TNS4: variants seen among roughly 807,000 people sequenced by gnomAD.
The protein encoded by TNS4 is tensin 4, also known as tensin-4.
Under a neutral mutation model 70.4 loss-of-function variants are expected in TNS4, and 46 were observed. That is an observed-to-expected ratio of 0.65 (90% confidence interval 0.52 to 0.84). The LOEUF is 0.84. Ranked by LOEUF, TNS4 falls within the 40% of genes least tolerant of loss-of-function variation. The probability of loss-of-function intolerance (pLI) is 0.00; values close to 1 mark genes in which losing one functional copy is unlikely to be tolerated. For synonymous variants in TNS4, 390 were observed against 366.6 expected (o/e 1.06, Z -0.73); for missense variants, 863 against 907.0 (o/e 0.95, Z 0.62).
rs141133643 is a variant in TNS4 at position 40,484,500 on chromosome 17, A to G, written c.1485T>C (p.Ser495=). The G allele has an allele frequency of 5.4e-4, 872 of 1,611,460 alleles. 5 individuals carry two copies. In the Middle Eastern group the frequency reaches 7.1e-3, roughly 13 times the overall value. Residue 495 remains serine, a synonymous_variant, in exon 6 of 13, where the codon TCT becomes TCC. Coordinates refer to ENST00000254051, the MANE Select transcript of TNS4 (RefSeq NM_032865.6). ...GACGCATACCTGGTCGACTCTGAGC[A>G]GACGCGGGAACCTCCTGCACCTTCA... is the stretch of plus-strand genomic sequence containing the variant. The part of the protein sequence containing the change: ...LALKVQEVPA[S]AQSRPGEDSN...
chr17:40,492,856 C>T (rs1427689249), intron 2 of TNS4, among the ~76,000 whole-genome samples: 2 of 151,930 alleles, frequency 1.3e-5, no homozygotes, highest in African/African-American at 2.4e-5. Context: ...ACCAGCCTGG[C>T]CAACATGGTG....
intron 2 of TNS4, among the ~76,000 whole-genome samples, chr17:40,492,430 G>A (rs1490043273): frequency 2.6e-5 from 4 of 151,600 alleles, no homozygotes; most frequent in East Asian, 1.9e-4. Context: ...TTACAGTGGC[G>A]GGATCTTGGC....
chr17:40,484,843 A>C, intron 5 of TNS4, 78 bp downstream of exon 5: 1 of 1,547,076 alleles, frequency 6.5e-7, no homozygotes, highest in Non-Finnish European at 8.9e-7. Context: ...GCCATTCCTT[A>C]ACTGTAACCC....
Position 40,477,495 on chromosome 17 carries a change from A to G in TNS4, c.*93T>C. On this transcript the variant is annotated 3_prime_UTR_variant, in exon 13 of 13. Transcript: ENST00000254051. ...CCTAGTCCCATAGATTGGTCTGTCA[A>G]TATGGCCACAAGCCACACCCATTCA... 1 of 1,541,918 alleles carries G rather than the reference A, an allele frequency of 6.5e-7. No individual in the cohort carries two copies.
Position 40,487,236 on chromosome 17 carries a change from G to A in TNS4, c.1088C>T (p.Pro363Leu), listed in dbSNP as rs1300002968. 1 of 1,614,186 alleles carries A rather than the reference G, an allele frequency of 6.2e-7. No homozygotes were observed. ...LAKEHASSCP[P>L]SITNSMVDIP... ...GTCCACCATGGAGTTGGTGATGGAT[G>A]GGGGGCAGCTGCTGGCATGTTCTTT... is the stretch of plus-strand genomic sequence containing the variant. The change falls in exon 4 of 13, where the codon CCA (proline) becomes CTA (leucine). Residue 363 changes from proline (P) to leucine (L), a missense_variant. By Grantham distance (98) the Pro-to-Leu change is moderately conservative. Coordinates refer to ENST00000254051, the MANE Select transcript of TNS4 (RefSeq NM_032865.6).
chr17:40,499,356 C>T (rs1159501298), intron 1 of TNS4, among the ~76,000 whole-genome samples: 2 of 152,174 alleles, frequency 1.3e-5, no homozygotes, highest in Non-Finnish European at 2.9e-5. Context: ...TCGGGGAGCT[C>T]GGCTCTTGAG....
chr17:40,490,250 A>T (rs1050208264), intron 2 of TNS4, among the ~76,000 whole-genome samples: 9 of 152,076 alleles, frequency 5.9e-5, no homozygotes, highest in Non-Finnish European at 8.8e-5. Context: ...GGCATCCAGG[A>T]CTCTTGGGAT....
In TNS4 at chr17:40,488,791, G is replaced by C; in HGVS notation, c.618C>G (p.Asn206Lys). The C allele has an allele frequency of 6.2e-7, 1 of 1,612,940 alleles. No homozygotes were observed. The highest frequency in any genetic ancestry group is 8.5e-7 in the Non-Finnish European group (1 of 1,179,670). ...GAGGGCGCTGGTGCCCCCTGCCCTG[G>C]TTCCCAGAGAAGATGAGGCTCTCAC... ...SSSESLIFSG[N>K]QGRGHQRPLP... The change falls in exon 3 of 13, where the codon AAC becomes AAG. Residue 206 changes from asparagine to lysine, a missense_variant. Physicochemically the swap from Asn to Lys is moderately conservative, Grantham distance 94. Coordinates refer to ENST00000254051, the MANE Select transcript of TNS4 (RefSeq NM_032865.6).
Position 40,496,008 on chromosome 17 carries a change from T to C in TNS4, c.418A>G (p.Lys140Glu). 1 of 1,611,760 alleles carries C rather than the reference T, an allele frequency of 6.2e-7. No individual in the cohort carries two copies. Among genetic ancestry groups the C allele is most frequent in the Non-Finnish European group, 8.5e-7 (1 of 1,179,196 alleles). The change falls in exon 2 of 13, where the codon AAG (lysine) becomes GAG (glutamate). Residue 140 changes from lysine (K) to glutamate (E), a missense_variant. Coordinates refer to ENST00000254051, the MANE Select transcript of TNS4 (RefSeq NM_032865.6). ...TTACCCAAGGCTTCAGATTCCTCCTTCTTTCTCATTGACATGGTGCTCTGG... is the reference window on the plus strand; with the variant it reads ...TTACCCAAGGCTTCAGATTCCTCCTCCTTTCTCATTGACATGGTGCTCTGG... ...LAQSTMSMRK[K>E]EESEALDIKY...
At position 40,480,751 on chromosome 17, in the gene TNS4, C is replaced by T; in HGVS notation, c.1690G>A (p.Gly564Arg). The change falls in exon 9 of 13, where the codon GGG (glycine) becomes AGG (arginine). Residue 564 changes from glycine to arginine, a missense_variant. Coordinates refer to ENST00000254051, the MANE Select transcript of TNS4 (RefSeq NM_032865.6). ...GGGCTGTCTGTAGAGTCCGAGGCCC[C>T]ATCTGCACCTCCCAGTTCTGAGCCA... ...IPQRELGGAD[G>R]ASDSTDSPAS... The T allele has an allele frequency of 8.7e-6, 14 of 1,601,196 alleles. No homozygotes were observed. Among genetic ancestry groups the T allele is most frequent in the Non-Finnish European group, 1.2e-5 (14 of 1,174,720 alleles).
chr17:40,482,157 C>T lies in TNS4; in HGVS notation c.1644G>A (p.Leu548=), dbSNP rs777579704. ...VCQHSIMALA[L]PCKLTIPQRE... is the part of the protein sequence containing the mutation. ...TCTGTGGGATGGTGAGTTTGCAGGG[C>T]AGGGCCAGGGCCATGATGGAATGCT... is the stretch of plus-strand genomic sequence containing the variant. Residue 548 remains leucine (L), a synonymous_variant, in exon 8 of 13, where the codon CTG becomes CTA. Coordinates refer to ENST00000254051, the MANE Select transcript of TNS4 (RefSeq NM_032865.6). 3 of 1,614,064 alleles carry T rather than the reference C, an allele frequency of 1.9e-6. No homozygotes were observed. The highest frequency in any genetic ancestry group is 1.3e-5 in the African/African-American group (1 of 74,938).
At chr17:40,496,931 G>C (rs747800461) in intron 1 of TNS4, among the ~76,000 whole-genome samples, 2 of 152,142 alleles carry the variant, frequency 1.3e-5, no homozygotes, top group Non-Finnish European at 2.9e-5. Context: ...TTAGATAAAG[G>C]CTTTAAAAAT....
chr17:40,483,481 G>A (rs953107634), intron 6 of TNS4, among the ~76,000 whole-genome samples: 3 of 152,300 alleles, frequency 2.0e-5, no homozygotes, highest in Non-Finnish European at 2.9e-5. Context: ...GATTACTGGC[G>A]TGAGCCACTG....
chr17:40,484,870 C>G (rs745572216), intron 5 of TNS4, 51 bp downstream of exon 5: 7 of 1,597,566 alleles, frequency 4.4e-6, no homozygotes, highest in Non-Finnish European at 6.0e-6. Context: ...CTGCCTGATG[C>G]AAAGTGCAAG....
At chr17:40,484,811 C>A in intron 5 of TNS4, 110 bp downstream of exon 5, 3 of 1,411,884 alleles carry the variant, frequency 2.1e-6, no homozygotes, top group Non-Finnish European at 3.0e-6. Context: ...CCCCCTCCCC[C>A]GCTTCCCAGG....
At chr17:40,479,562 G>A (rs1023356520) in intron 10 of TNS4, 112 bp downstream of exon 10, 30 of 1,378,036 alleles carry the variant, frequency 2.2e-5, no homozygotes, top group Non-Finnish European at 2.8e-5. Context: ...GCCCCGCTGG[G>A]TCATCCAGAA....
Position 40,477,630 on chromosome 17 carries a change from G to A in TNS4, c.2106C>T (p.Ile702=), listed in dbSNP as rs551071097. The change falls in exon 13 of 13, where the codon ATC becomes ATT. Residue 702 remains isoleucine (I), a synonymous_variant. Coordinates refer to ENST00000254051, the MANE Select transcript of TNS4 (RefSeq NM_032865.6). ...CCTGCAGCAGAGCAGTCACCAGGCC[G>A]ATGACCTGCGAGGCTGGCTGGACCA... is the stretch of plus-strand genomic sequence containing the variant. ...YDMVQPASQV[I]GLVTALLQDA... 29 of 1,614,152 alleles carry A rather than the reference G, an allele frequency of 1.8e-5. No homozygotes were observed. The highest frequency in any genetic ancestry group is 2.7e-5 in the African/African-American group (2 of 75,062).
chr17:40,482,062 A>C, intron 8 of TNS4, 67 bp downstream of exon 8: 1 of 1,559,972 alleles, frequency 6.4e-7, no homozygotes, highest in Non-Finnish European at 8.8e-7. Flanking sequence ...GTAGGAGTGA[A>C]CCCCATTTCT....
intron 4 of TNS4, among the ~76,000 whole-genome samples, chr17:40,486,690 G>A (rs1163719892): frequency 1.3e-5 from 2 of 152,002 alleles, no homozygotes; most frequent in Admixed American, 1.3e-4. Flanking sequence ...TTTCTCTGCT[G>A]GGAATGCCTT....
Sources: gnomAD v4.1 joint callset for allele counts (sites outside exome capture counted in the v4.1 genomes callset) on GRCh38, gnomAD v4.1.1 for gene constraint, MANE v1.5 for transcripts, NCBI Gene and HGNC (gene_info 2026-07-23, HGNC 2026-07-21) for gene names.